Variants in FARS2 observed in about 807,000 individuals in gnomAD.
FARS2 encodes phenylalanyl-tRNA synthetase 2, mitochondrial, also known as phenylalanine--tRNA ligase, mitochondrial.
Under a neutral mutation model 46.4 loss-of-function variants are expected in FARS2, and 40 were observed. That is an observed-to-expected ratio of 0.86 (90% CI 0.67 to 1.12). The LOEUF (loss-of-function observed/expected upper bound fraction) is 1.12. Ranked by LOEUF, FARS2 falls within the 50% of genes most tolerant of loss-of-function variation. The probability of loss-of-function intolerance (pLI) is 0.00; values close to 1 mark genes in which losing one functional copy is unlikely to be tolerated. For missense variants in FARS2, 513 were observed against 567.9 expected, an observed-to-expected ratio of 0.90 and a Z score of 0.98; for synonymous variants, 234 against 214.9, an observed-to-expected ratio of 1.09 and a Z score of -0.78.
chr6:5,318,398 A>AAAC (rs751052631), intron 1 of FARS2, among the ~76,000 whole-genome samples: 10 of 93,082 alleles, frequency 1.1e-4, no homozygotes, highest in East Asian at 4.0e-4. Flanking sequence ...AAAAAAAAAA[A>AAAC]AAAAAAAAAC....
intron 1 of FARS2, among the ~76,000 whole-genome samples, chr6:5,285,749 T>C (rs1215521302): frequency 6.6e-6 from 1 of 152,222 alleles, no homozygotes; most frequent in Non-Finnish European, 1.5e-5. Flanking sequence ...GTCTCAGTGA[T>C]GTTATCTCTG....
intron 5 of FARS2, among the ~76,000 whole-genome samples, chr6:5,564,278 A>G (rs551618691): frequency 7.2e-5 from 11 of 152,318 alleles, no homozygotes; most frequent in South Asian, 4.1e-4. Flanking sequence ...TTGGGGGTCT[A>G]TGAAGTTCCT....
At chr6:5,265,070 A>G (rs1191394755) in intron 1 of FARS2, among the ~76,000 whole-genome samples, 2 of 151,510 alleles carry the variant, frequency 1.3e-5, no homozygotes, top group African/African-American at 4.9e-5. Flanking sequence ...AAGAGCTCAG[A>G]TTATAGCTGT....
chr6:5,571,060 A>G (rs1422695191), intron 5 of FARS2, among the ~76,000 whole-genome samples: 1 of 152,202 alleles, frequency 6.6e-6, no homozygotes, highest in Non-Finnish European at 1.5e-5. Flanking sequence ...TTTCACTCAA[A>G]CGGTTATTCA....
At chr6:5,497,219 T>G (rs1043916015) in intron 4 of FARS2, among the ~76,000 whole-genome samples, 1 of 152,230 alleles carries the variant, frequency 6.6e-6, no homozygotes, top group African/African-American at 2.4e-5. Flanking sequence ...ATAATGATCA[T>G]TATAATATAA....
intron 3 of FARS2, among the ~76,000 whole-genome samples, chr6:5,416,071 G>T (rs1037670350): frequency 2.0e-5 from 3 of 152,124 alleles, no homozygotes; most frequent in Non-Finnish European, 4.4e-5. Context: ...TGGGATGTGG[G>T]ATTTGCAATA....
chr6:5,280,986 A>G (rs1766684112), intron 1 of FARS2, among the ~76,000 whole-genome samples: 1 of 152,186 alleles, frequency 6.6e-6, no homozygotes, highest in South Asian at 2.1e-4. Context: ...GTATTCTGTC[A>G]GATTGGCTGG....
chr6:5,555,422 G>A (rs1032618835), intron 5 of FARS2, among the ~76,000 whole-genome samples: 3 of 152,052 alleles, frequency 2.0e-5, no homozygotes, highest in South Asian at 2.1e-4. Flanking sequence ...TTTCTTCTTC[G>A]TTTCTTTAAT....
intron 4 of FARS2, chr6:5,452,751 A>G (rs374467): frequency 0.99 from 150,683 of 152,314 alleles, 74,578 homozygotes; most frequent in Middle Eastern, 1. Flanking sequence ...CAAGTGGAGC[A>G]TCATACCTGG....
intron 6 of FARS2, among the ~76,000 whole-genome samples, chr6:5,645,120 G>A (rs1395798528): frequency 6.6e-6 from 1 of 152,176 alleles, no homozygotes; most frequent in African/African-American, 2.4e-5. Context: ...TTTTTATTGG[G>A]TTACTTCTGC....
chr6:5,408,927 G>A (rs1406043798), intron 3 of FARS2, among the ~76,000 whole-genome samples: 1 of 152,162 alleles, frequency 6.6e-6, no homozygotes, highest in Non-Finnish European at 1.5e-5. Flanking sequence ...TAAGCCATGT[G>A]CTGGCCTCTG....
chr6:5,722,491 C>T (rs567836635), intron 6 of FARS2, among the ~76,000 whole-genome samples: 33 of 152,090 alleles, frequency 2.2e-4, no homozygotes, highest in Non-Finnish European at 4.4e-4. Flanking sequence ...TGAAAGGCTG[C>T]GGAGGCAGTG....
chr6:5,286,022 A>G (rs1767086150), intron 1 of FARS2, among the ~76,000 whole-genome samples: 7 of 149,100 alleles, frequency 4.7e-5, no homozygotes. Flanking sequence ...TTCACATGTG[A>G]TAGCTGTTCC....
intron 4 of FARS2, among the ~76,000 whole-genome samples, chr6:5,436,155 T>A (rs1380719643): frequency 6.6e-6 from 1 of 152,170 alleles, no homozygotes; most frequent in South Asian, 2.1e-4. Context: ...TTAGAGAAGG[T>A]GGTGCCAGGC....
intron 4 of FARS2, among the ~76,000 whole-genome samples, chr6:5,461,117 G>T (rs1455375528): frequency 6.6e-6 from 1 of 151,502 alleles, no homozygotes; most frequent in Non-Finnish European, 1.5e-5. Context: ...CAGCTCACTG[G>T]AACCTTTGCC....
At position 5,764,200 on chromosome 6, in the gene FARS2, G is replaced by A. The variant is rs960509160; in HGVS notation, c.1218-7091G>A. ...ACTCTGCAGATGGAGTTATTGAGGC[G>A]AGAAGGGTGATGTAAGCTGCCCAGA... On this transcript the variant is annotated intron_variant, in intron 6 of 6. Coordinates refer to ENST00000274680, the MANE Select transcript of FARS2 (RefSeq NM_006567.5). The surrounding 1 kb of genome is among the most constrained non-coding windows in gnomAD (Gnocchi z 4.1). 2.0e-5 allele frequency among the ~76,000 whole-genome samples: 3 copies of A among 152,146 alleles called. No individual in the cohort carries two copies. The highest frequency in any genetic ancestry group is 4.4e-5 in the Non-Finnish European group (3 of 68,022).
chr6:5,703,178 T>A (rs563492735), intron 6 of FARS2, among the ~76,000 whole-genome samples: 7 of 152,150 alleles, frequency 4.6e-5, no homozygotes, highest in African/African-American at 1.7e-4. Flanking sequence ...TTCCAAAGAG[T>A]GATGAACCTC....
At chr6:5,468,837 G>T (rs1295629107) in intron 4 of FARS2, among the ~76,000 whole-genome samples, 1 of 152,136 alleles carries the variant, frequency 6.6e-6, no homozygotes, top group African/African-American at 2.4e-5. Flanking sequence ...GTCTTTACAG[G>T]GTAATGTATG....
At chr6:5,260,708 A>G (rs1430861571), upstream of FARS2, 2 of 1,552,632 alleles carry the variant, frequency 1.3e-6, no homozygotes, top group Non-Finnish European at 1.7e-6. Flanking sequence ...CAGAGATAAC[A>G]CTTGTGCGCG....
Sources: allele counts gnomAD v4.1 joint callset (sites outside exome capture counted in the v4.1 genomes callset), GRCh38; gene constraint gnomAD v4.1.1; non-coding constraint Gnocchi (gnomAD v3.1); transcripts MANE v1.5; gene names NCBI Gene and HGNC (gene_info 2026-07-23, HGNC 2026-07-21).